Variants in PSMA1 observed in about 807,000 individuals in gnomAD.
The protein encoded by PSMA1 is proteasome 20S subunit alpha 1.
A neutral mutation model predicts 38.4 loss-of-function variants in PSMA1; 3 were observed. The ratio of observed to expected loss-of-function variants is 0.08; its 90% CI spans 0.04 to 0.20. PSMA1 has a LOEUF of 0.20. Ranked by LOEUF, PSMA1 falls within the 10% of genes least tolerant of loss-of-function variation. The pLI is 1.00. For synonymous variants in PSMA1, 101 were observed against 107.1 expected (o/e 0.94, Z 0.35); for missense variants, 227 against 325.3 (o/e 0.70, Z 2.32).
chr11:14,608,659 C>T (rs1165096753), intron 2 of PSMA1, among the ~76,000 whole-genome samples: 1 of 145,916 alleles, frequency 6.9e-6, no homozygotes, highest in Non-Finnish European at 1.5e-5. Flanking sequence ...AAAGCAAGAT[C>T]CTGTCTGTAT....
chr11:14,555,855 C>A (rs1309577222), intron 2 of PSMA1, among the ~76,000 whole-genome samples: 1 of 152,120 alleles, frequency 6.6e-6, no homozygotes, highest in African/African-American at 2.4e-5. Flanking sequence ...TTTTGTTTTC[C>A]CTTTAGTTAA....
chr11:14,515,501 G>A (rs1851409685), intron 4 of PSMA1, among the ~76,000 whole-genome samples: 1 of 151,738 alleles, frequency 6.6e-6, no homozygotes, highest in Non-Finnish European at 1.5e-5. Flanking sequence ...AACCCTTAAG[G>A]CTGTCATTAT....
chr11:14,572,585 T>C (rs1353098158), intron 2 of PSMA1, among the ~76,000 whole-genome samples: 1 of 152,132 alleles, frequency 6.6e-6, no homozygotes, highest in Non-Finnish European at 1.5e-5. Context: ...ATTGACACCC[T>C]AACATCACAA....
At chr11:14,619,227 T>C (rs972046058) in intron 1 of PSMA1, among the ~76,000 whole-genome samples, 1 of 152,130 alleles carries the variant, frequency 6.6e-6, no homozygotes, top group Non-Finnish European at 1.5e-5. Flanking sequence ...GGCAAGCAGA[T>C]TGCTTGAGCT....
At chr11:14,614,219 C>A (rs1440916432) in intron 1 of PSMA1, among the ~76,000 whole-genome samples, 1 of 151,984 alleles carries the variant, frequency 6.6e-6, no homozygotes, top group Non-Finnish European at 1.5e-5. Flanking sequence ...AACTACCATG[C>A]AATTCTGAGT....
At chr11:14,587,587 T>G (rs1356295711) in intron 2 of PSMA1, among the ~76,000 whole-genome samples, 1 of 152,122 alleles carries the variant, frequency 6.6e-6, no homozygotes. Context: ...AAGACCTGTT[T>G]TTTTTTTTTG....
intron 2 of PSMA1, among the ~76,000 whole-genome samples, chr11:14,551,879 G>A (rs537355836): frequency 6.6e-6 from 1 of 152,274 alleles, no homozygotes; most frequent in South Asian, 2.1e-4. Context: ...GTTTGGTAGG[G>A]TAATTTGTTA....
chr11:14,515,955 T>C (rs1851418841), intron 4 of PSMA1, among the ~76,000 whole-genome samples: 1 of 151,190 alleles, frequency 6.6e-6, no homozygotes. Context: ...CTCACGCCTG[T>C]AATCCCAGCA....
At chr11:14,540,420 T>C (rs1851760974) in intron 2 of PSMA1, among the ~76,000 whole-genome samples, 1 of 152,212 alleles carries the variant, frequency 6.6e-6, no homozygotes, top group Non-Finnish European at 1.5e-5. Flanking sequence ...ATATTGCTTA[T>C]GGTTCAGCGC....
At chr11:14,604,245 A>G (rs1162934088) in intron 2 of PSMA1, among the ~76,000 whole-genome samples, 2 of 152,156 alleles carry the variant, frequency 1.3e-5, no homozygotes, top group Non-Finnish European at 2.9e-5. Context: ...TATTTTTAGT[A>G]GAGACAGGGT....
Position 14,517,675 on chromosome 11 carries a change from A to G in PSMA1, c.221T>C (p.Ile74Thr). ...LHVDNHIGIS[I>T]AGLTADARLL... The stretch of plus-strand genomic sequence containing the variant: ...TCTAGCATCAGCAGTAAGCCCCGCA[A>G]TTGAGATACCAATATGGTTGTCAAC... Residue 74 changes from isoleucine to threonine, a missense_variant, in exon 4 of 10, where the codon ATT (isoleucine) becomes ACT (threonine). Coordinates refer to ENST00000396394, the MANE Select transcript of PSMA1 (RefSeq NM_002786.4). 6.2e-7 allele frequency: 1 copy of G among 1,606,382 alleles called. No homozygotes were observed. Among genetic ancestry groups the G allele is most frequent in the Non-Finnish European group, 8.5e-7 (1 of 1,178,256 alleles).
chr11:14,512,251 G>A (rs1851356539), intron 7 of PSMA1, among the ~76,000 whole-genome samples: 1 of 152,094 alleles, frequency 6.6e-6, no homozygotes, highest in Non-Finnish European at 1.5e-5. Context: ...GCGCATGCCT[G>A]CAATCCCAGC....
intron 1 of PSMA1, among the ~76,000 whole-genome samples, chr11:14,628,101 T>C (rs1852939065): frequency 6.6e-6 from 1 of 152,222 alleles, no homozygotes; most frequent in Non-Finnish European, 1.5e-5. Flanking sequence ...TTTTGTGAAC[T>C]GCGCATGCAA....
Position 14,517,514 on chromosome 11 carries a change from G to A in PSMA1, c.254+128C>T, listed in dbSNP as rs963439796. 3.5e-5 allele frequency: 26 copies of A among 751,862 alleles called. No individual in the cohort carries two copies. In the Admixed American group the frequency reaches 4.0e-4, roughly 12 times the overall value. The allele number at this position is 751,862 out of a possible 1,614,324, so 46.6% of individuals were successfully genotyped here. ...TTAATAACAAACTCAAAACCACCAAGGTATTCATAATCTTAATTTACAAGA... is the reference window on the plus strand; with the variant it reads ...TTAATAACAAACTCAAAACCACCAAAGTATTCATAATCTTAATTTACAAGA... On this transcript the variant is annotated intron_variant, in intron 4 of 9. Coordinates refer to ENST00000396394, the MANE Select transcript of PSMA1 (RefSeq NM_002786.4).
At chr11:14,558,275 T>C (rs1249010210) in intron 2 of PSMA1, among the ~76,000 whole-genome samples, 4 of 140,642 alleles carry the variant, frequency 2.8e-5, no homozygotes, top group Non-Finnish European at 6.1e-5. Context: ...AAAAAAATAC[T>C]GTGCATGGTG....
At chr11:14,592,933 T>A (rs558236848) in intron 2 of PSMA1, among the ~76,000 whole-genome samples, 1 of 152,354 alleles carries the variant, frequency 6.6e-6, no homozygotes, top group African/African-American at 2.4e-5. Context: ...TATGTTTTAC[T>A]TTTCTCATAT....
At chr11:14,537,064 C>T (rs984453817) in intron 2 of PSMA1, among the ~76,000 whole-genome samples, 1 of 152,164 alleles carries the variant, frequency 6.6e-6, no homozygotes, top group African/African-American at 2.4e-5. Context: ...TGTTTTATTT[C>T]TTTATCTTTC....
At chr11:14,509,319 T>G (rs983969254) in intron 8 of PSMA1, among the ~76,000 whole-genome samples, 8 of 152,098 alleles carry the variant, frequency 5.3e-5, no homozygotes, top group African/African-American at 1.7e-4. Flanking sequence ...CTATAACAAA[T>G]CTATTAGCAA....
At chr11:14,513,184 T>C (rs1054035535) in intron 7 of PSMA1, among the ~76,000 whole-genome samples, 1 of 152,200 alleles carries the variant, frequency 6.6e-6, no homozygotes, top group African/African-American at 2.4e-5. Context: ...GGACTACTAA[T>C]GCAGAAATGT....
Sources: allele counts gnomAD v4.1 joint callset (sites outside exome capture counted in the v4.1 genomes callset), GRCh38; gene constraint gnomAD v4.1.1; transcripts MANE v1.5; gene names NCBI Gene and HGNC (gene_info 2026-07-23, HGNC 2026-07-21).